The following FGGY variants were observed in gnomAD, a reference collection of about 807,000 sequenced individuals.
The protein encoded by FGGY is FGGY carbohydrate kinase domain containing.
FGGY carries 72 observed loss-of-function variants against 71.3 expected under a neutral mutation model. The ratio of observed to expected loss-of-function variants is 1.01; its 90% CI spans 0.84 to 1.23. The LOEUF (loss-of-function observed/expected upper bound fraction) is 1.23, where lower values mean the gene tolerates loss of function less well. Ranked by LOEUF, FGGY falls within the 50% of genes most tolerant of loss-of-function variation. FGGY has a pLI of 0.00. For synonymous variants in FGGY, 251 were observed against 250.3 expected (o/e 1.00, Z -0.02); for missense variants, 668 against 682.3 (o/e 0.98, Z 0.23).
intron 14 of FGGY, among the ~76,000 whole-genome samples, chr1:59,740,240 A>G (rs1027759605): frequency 6.6e-6 from 1 of 152,240 alleles, no homozygotes; most frequent in Non-Finnish European, 1.5e-5. Context: ...GAACCTGAAT[A>G]AATATATCAC....
At chr1:59,532,804 T>G (rs190865701) in intron 7 of FGGY, among the ~76,000 whole-genome samples, 1 of 152,032 alleles carries the variant, frequency 6.6e-6, no homozygotes, top group South Asian at 2.1e-4. Flanking sequence ...ATGGAAAATA[T>G]AAGAATTAGA....
At chr1:59,322,337 G>T (rs188614475) in intron 2 of FGGY, among the ~76,000 whole-genome samples, 87 of 147,926 alleles carry the variant, frequency 5.9e-4, no homozygotes, top group African/African-American at 2.2e-3. Flanking sequence ...AACAGGTGGT[G>T]TTTGGTTACG....
chr1:59,613,817 T>A (rs192279032), intron 9 of FGGY, among the ~76,000 whole-genome samples: 2 of 152,066 alleles, frequency 1.3e-5, no homozygotes, highest in African/African-American at 4.8e-5. Context: ...AAAGGGGATA[T>A]CACCACCGAT....
intron 8 of FGGY, among the ~76,000 whole-genome samples, chr1:59,578,923 C>A (rs1469477955): frequency 6.6e-6 from 1 of 152,058 alleles, no homozygotes; most frequent in African/African-American, 2.4e-5. Flanking sequence ...AGAAGAAAAA[C>A]CTTGACCTTA....
intron 5 of FGGY, among the ~76,000 whole-genome samples, chr1:59,389,111 C>T (rs1469224962): frequency 1.3e-5 from 2 of 152,124 alleles, no homozygotes; most frequent in Non-Finnish European, 2.9e-5. Context: ...CCACACCTGA[C>T]TAATTTTTGT....
chr1:59,334,579 GA>G (rs534575983), intron 2 of FGGY, among the ~76,000 whole-genome samples: 89 of 152,132 alleles, frequency 5.9e-4, no homozygotes, highest in African/African-American at 2.1e-3. Context: ...AATATGACTT[GA>G]AAAAAATTAC....
At chr1:59,370,718 C>A (rs1397826028) in intron 4 of FGGY, among the ~76,000 whole-genome samples, 1 of 151,624 alleles carries the variant, frequency 6.6e-6, no homozygotes, top group Non-Finnish European at 1.5e-5. Context: ...TTGGCAGAAA[C>A]TCTACAAGCC....
intron 6 of FGGY, among the ~76,000 whole-genome samples, chr1:59,500,663 CAAAAAAA>C (rs922111998): frequency 1.8e-4 from 8 of 44,774 alleles, no homozygotes; most frequent in Non-Finnish European, 2.0e-4. Context: ...GCCTTCTTGC[CAAAAAAA>C]AAAAAAAAAA....
intron 10 of FGGY, among the ~76,000 whole-genome samples, chr1:59,636,981 C>A (rs566672380): frequency 3.9e-5 from 6 of 152,272 alleles, no homozygotes; most frequent in African/African-American, 1.4e-4. Context: ...TGGGAAGTAG[C>A]ACAGATGCCA....
intron 14 of FGGY, among the ~76,000 whole-genome samples, chr1:59,701,132 G>A (rs1484445391): frequency 1.3e-5 from 2 of 152,168 alleles, no homozygotes; most frequent in Non-Finnish European, 2.9e-5. Context: ...TGGGGATAGG[G>A]GGACACGTGC....
chr1:59,340,146 G>A (rs1557601498), intron 3 of FGGY, 77 bp downstream of exon 3: 1 of 944,864 alleles, frequency 1.1e-6, no homozygotes, highest in South Asian at 1.5e-5. Context: ...TGGAACAGGA[G>A]GGCAGGCGTC....
intron 6 of FGGY, among the ~76,000 whole-genome samples, chr1:59,469,436 A>G (rs537710778): frequency 6.6e-6 from 1 of 152,212 alleles, no homozygotes; most frequent in Non-Finnish European, 1.5e-5. Context: ...GCTTGGCTTT[A>G]TCAGAAGTGC....
chr1:59,685,948 A>G (rs889016303), intron 14 of FGGY, among the ~76,000 whole-genome samples: 1 of 152,220 alleles, frequency 6.6e-6, no homozygotes, highest in African/African-American at 2.4e-5. Flanking sequence ...AATTATACCA[A>G]TTCTTTGAAA....
At chr1:59,645,196 C>G (rs181298684) in intron 11 of FGGY, among the ~76,000 whole-genome samples, 1 of 152,328 alleles carries the variant, frequency 6.6e-6, no homozygotes, top group East Asian at 1.9e-4. Flanking sequence ...CTCTGTGCAG[C>G]TGATCTGCTC....
chr1:59,592,948 A>G (rs1337681451), intron 8 of FGGY, among the ~76,000 whole-genome samples: 1 of 151,882 alleles, frequency 6.6e-6, no homozygotes, highest in Non-Finnish European at 1.5e-5. Context: ...TAATAAAATA[A>G]GAAAAAGTAA....
intron 4 of FGGY, among the ~76,000 whole-genome samples, chr1:59,354,252 A>G (rs190675466): frequency 1.7e-4 from 26 of 151,994 alleles, no homozygotes; most frequent in African/African-American, 6.0e-4. Flanking sequence ...TAATTTGTGT[A>G]TTTTTTTGTA....
intron 6 of FGGY, among the ~76,000 whole-genome samples, chr1:59,468,872 T>TAA (rs397967555): frequency 2.2e-4 from 26 of 119,558 alleles, no homozygotes; most frequent in East Asian, 1.2e-3. Flanking sequence ...ACTCTGTCTT[T>TAA]AAAAAAAAAA....
At chr1:59,725,760 G>C in intron 14 of FGGY, among the ~76,000 whole-genome samples, 1 of 151,860 alleles carries the variant, frequency 6.6e-6, no homozygotes, top group East Asian at 1.9e-4. Flanking sequence ...ACCCTTACTT[G>C]TTTGCTTATT....
intron 8 of FGGY, among the ~76,000 whole-genome samples, chr1:59,588,184 A>C (rs902680550): frequency 1.3e-5 from 2 of 152,224 alleles, no homozygotes; most frequent in African/African-American, 4.8e-5. Context: ...AACTGGAAGA[A>C]AGGGTATCAG....
Sources: allele counts gnomAD v4.1 joint callset (sites outside exome capture counted in the v4.1 genomes callset), GRCh38; gene constraint gnomAD v4.1.1; transcripts MANE v1.5; gene names NCBI Gene and HGNC (gene_info 2026-07-23, HGNC 2026-07-21).